Variants in VSX1 observed in about 807,000 individuals in gnomAD.
The protein encoded by VSX1 is visual system homeobox 1.
Under a neutral mutation model 23.6 loss-of-function variants are expected in VSX1, and 23 were observed. That is an observed-to-expected ratio of 0.97 (90% confidence interval 0.70 to 1.38). VSX1 has a LOEUF of 1.38. Among genes scored for constraint, VSX1 ranks in the 40% most tolerant of loss-of-function variants. VSX1 has a pLI of 0.00. For missense variants in VSX1, 517 were observed against 495.4 expected, an observed-to-expected ratio of 1.04 and a Z score of -0.41; for synonymous variants, 247 against 215.1, an observed-to-expected ratio of 1.15 and a Z score of -1.30.
chr20:25,078,558 T>G (rs1032262791), intron 3 of VSX1: 21 of 1,365,520 alleles, frequency 1.5e-5, no homozygotes, highest in Non-Finnish European at 1.8e-5. Flanking sequence ...TTTTTTTTTT[T>G]TTTCATTGAC....
In VSX1 at chr20:25,076,407, C is replaced by A; in HGVS notation, c.952G>T (p.Glu318Ter). Residue 318 changes from glutamate (E) to a stop codon, truncating the protein, a stop_gained, in exon 5 of 5, where the codon GAG (glutamate) becomes TAG (stop). Transcript: ENST00000376709. LOFTEE classifies it low-confidence loss of function (END_TRUNC). Reference sequence around the variant, plus strand: ...ATAGCCACATCTTCCAAGCCATTCTCAGGGCTCACTTTATCTGAGCCTCTC... The same window carrying A: ...ATAGCCACATCTTCCAAGCCATTCTAAGGGCTCACTTTATCTGAGCCTCTC... ...SQRGSDKVSP[E>*]NGLEDVAIDL... 1 of 1,614,154 alleles carries A rather than the reference C, an allele frequency of 6.2e-7. No homozygotes were observed. The highest frequency in any genetic ancestry group is 8.5e-7 in the Non-Finnish European group (1 of 1,180,028).
Position 25,081,720 on chromosome 20 carries a change from G to T in VSX1, c.377C>A (p.Pro126Gln), listed in dbSNP as rs1371286928. Residue 126 changes from proline to glutamine, a missense_variant, in exon 1 of 5, where the codon CCG (proline) becomes CAG (glutamine). Transcript: ENST00000376709. Reference protein sequence around the residue: ...PAAPLAPSRPPPALGRQKRSD... With the variant: ...PAAPLAPSRPQPALGRQKRSD... ...GCGCTTCTGGCGGCCGAGCGCAGGC[G>T]GCGGACGGCTGGGAGCCAGCGGGGC... The T allele has an allele frequency of 6.7e-7, 1 of 1,501,906 alleles. No individual in the cohort carries two copies. The highest frequency in any genetic ancestry group is 2.1e-5 in the Admixed American group (1 of 46,858). The allele number at this position is 1,501,906 out of a possible 1,614,324, so 93.0% of individuals were successfully genotyped here. A position where few individuals can be genotyped will look rare whatever the true frequency, so the allele number is the denominator to read the frequency against.
chr20:25,072,019 C>T (rs1198508873), downstream of VSX1: 2 of 620,890 alleles, frequency 3.2e-6, no homozygotes, highest in South Asian at 4.0e-5. Flanking sequence ...GAAGTTTGCA[C>T]TGGAAAACAG....
chr20:25,071,434 T>C (rs1297573815), downstream of VSX1: 2 of 453,326 alleles, frequency 4.4e-6, no homozygotes, highest in Admixed American at 4.7e-5. Flanking sequence ...ATTGTGCCAC[T>C]GCACTCCAGC....
At chr20:25,081,379 T>C in intron 1 of VSX1, 1 of 682,936 alleles carries the variant, frequency 1.5e-6, no homozygotes. Context: ...CCTCTGGAGA[T>C]GGTTGTTGAA....
At chr20:25,081,642 G>T in intron 1 of VSX1, 31 bp downstream of exon 1, 1 of 1,529,096 alleles carries the variant, frequency 6.5e-7, no homozygotes, top group African/African-American at 1.4e-5. Context: ...TAGGGGACAG[G>T]GGCAGGAGCG....
intron 1 of VSX1, among the ~76,000 whole-genome samples, chr20:25,079,820 T>C (rs1027688695): frequency 6.6e-6 from 1 of 152,070 alleles, no homozygotes; most frequent in Non-Finnish European, 1.5e-5. Flanking sequence ...ATCACACAGG[T>C]AGTAAATGGT....
At position 25,076,460 on chromosome 20, in the gene VSX1, C is replaced by A; in HGVS notation, c.899G>T (p.Gly300Val). ...GLWGSDHFKE[G>V]SSQSESGSQR... is the part of the protein sequence containing the mutation. ...TGATCCTGACTCACTCTGGCTAGAA[C>A]CTTCTTTGAAGTGGTCAGAGCCCCA... Residue 300 changes from glycine to valine, a missense_variant, in exon 5 of 5, where the codon GGT (glycine) becomes GTT (valine). By Grantham distance (109) the Gly-to-Val change is moderately radical. Transcript: ENST00000376709. 6.2e-7 allele frequency: 1 copy of A among 1,614,138 alleles called. No individual in the cohort carries two copies. Among genetic ancestry groups the A allele is most frequent in the South Asian group, 1.1e-5 (1 of 91,088 alleles).
rs906981096 is a variant in VSX1, at chr20:25,081,686, G to T, written c.411C>A (p.Ser137Arg). The T allele has an allele frequency of 1.3e-6, 2 of 1,515,300 alleles. No individual in the cohort carries two copies. Among genetic ancestry groups the T allele is most frequent in the Non-Finnish European group, 1.8e-6 (2 of 1,138,606 alleles). The allele number at this position is 1,515,300 out of a possible 1,614,324, so 93.9% of individuals were successfully genotyped here. ...GGGCCTGATTACCGGACGTGGAGAC[G>T]CTGTCGCTGCGCTTCTGGCGGCCGA... ...PALGRQKRSD[S>R]VSTSDEDSQS... Residue 137 changes from serine to arginine, a missense_variant, in exon 1 of 5, where the codon AGC (serine) becomes AGA (arginine). Transcript: ENST00000376709.
chr20:25,073,380 G>C (rs2089421000), downstream of VSX1, among the ~76,000 whole-genome samples: 1 of 151,722 alleles, frequency 6.6e-6, no homozygotes, highest in African/African-American at 2.4e-5. Context: ...TCGTCTTTAT[G>C]CACGTTTCTT....
chr20:25,078,900 C>A lies in VSX1; in HGVS notation c.556G>T (p.Ala186Ser), dbSNP rs138766673. 2 of 1,614,046 alleles carry A rather than the reference C, an allele frequency of 1.2e-6. No homozygotes were observed. The highest frequency in any genetic ancestry group is 1.3e-5 in the African/African-American group (1 of 74,898). ...CGGGCATACACATCAGGGTAGTGGG[C>A]CTCGCTGAATGCCTTCTCCAACTCT... Reference protein sequence around the residue: ...LEELEKAFSEAHYPDVYAREM... With the variant: ...LEELEKAFSESHYPDVYAREM... Residue 186 changes from alanine to serine, a missense_variant, in exon 3 of 5, where the codon GCC (alanine) becomes TCC (serine). Physicochemically the swap from Ala to Ser is moderately conservative, Grantham distance 99. Coordinates refer to ENST00000376709, the MANE Select transcript of VSX1 (RefSeq NM_014588.6).
In VSX1 at chr20:25,077,597, G is replaced by A. The variant is rs2089527767; in HGVS notation, c.808+88C>T. On this transcript the variant is annotated intron_variant, in intron 4 of 4. Transcript: ENST00000376709. ...CAGTAAACTGACGTTGCTTTGCTTT[G>A]GAAATGGCTGCCTCGGTGGGGACAC... 15 of 1,480,494 alleles carry A rather than the reference G, an allele frequency of 1.0e-5. No individual in the cohort carries two copies. In the South Asian group the frequency reaches 1.8e-4, roughly 18 times the overall value. The allele number at this position is 1,480,494 out of a possible 1,614,324, so 91.7% of individuals were successfully genotyped here. A position where few individuals can be genotyped will look rare whatever the true frequency, so the allele number is the denominator to read the frequency against.
At chr20:25,078,690 C>A in intron 3 of VSX1, 139 bp downstream of exon 3, 1 of 1,607,680 alleles carries the variant, frequency 6.2e-7, no homozygotes, top group South Asian at 1.1e-5. Flanking sequence ...CTTGTGGTGC[C>A]TTCAGCTAAG....
chr20:25,070,994 G>A (rs1310105225), downstream of VSX1: 1 of 454,036 alleles, frequency 2.2e-6, no homozygotes, highest in South Asian at 1.6e-5. Context: ...GTCTTAAAAT[G>A]TCAGTATGAG....
At chr20:25,073,723 T>C (rs1462436186), downstream of VSX1, among the ~76,000 whole-genome samples, 2 of 152,196 alleles carry the variant, frequency 1.3e-5, no homozygotes, top group Admixed American at 6.5e-5. Context: ...CCATAGGTAA[T>C]CTCCACTGTG....
At chr20:25,081,261 C>T (rs564732877) in intron 1 of VSX1, among the ~76,000 whole-genome samples, 1 of 152,352 alleles carries the variant, frequency 6.6e-6, no homozygotes, top group South Asian at 2.1e-4. Flanking sequence ...GCGTTTCCAC[C>T]TGGTACCTTG....
chr20:25,072,138 G>A (rs1568860647), downstream of VSX1: 1 of 581,686 alleles, frequency 1.7e-6, no homozygotes, highest in East Asian at 2.8e-5. Context: ...AGCTGAAACA[G>A]ATGCACACAA....
chr20:25,076,338 G>A lies in VSX1; in HGVS notation c.1021C>T (p.Pro341Ser). The A allele has an allele frequency of 1.2e-6, 2 of 1,614,148 alleles. No individual in the cohort carries two copies. Among genetic ancestry groups the A allele is most frequent in the Non-Finnish European group, 1.7e-6 (2 of 1,180,008 alleles). ...SARQETKKVH[P>S]GAGAQGGSNS... ...GAGCCTCCTTGAGCACCAGCCCCAG[G>A]GTGCACTTTCTTGGTCTCCTGCCGG... The change falls in exon 5 of 5, where the codon CCT becomes TCT. Residue 341 changes from proline (P) to serine (S), a missense_variant. Coordinates refer to ENST00000376709, the MANE Select transcript of VSX1 (RefSeq NM_014588.6).
chr20:25,073,447 A>G (rs62217197), downstream of VSX1, among the ~76,000 whole-genome samples: 27,134 of 152,098 alleles, frequency 0.18, 2,843 homozygotes, highest in South Asian at 0.29. Flanking sequence ...GGGATGACCT[A>G]TTGGTTGGCT....
Sources: allele counts gnomAD v4.1 joint callset (sites outside exome capture counted in the v4.1 genomes callset), GRCh38; gene constraint gnomAD v4.1.1; transcripts MANE v1.5; gene names NCBI Gene and HGNC (gene_info 2026-07-23, HGNC 2026-07-21).